The following ADAMTSL1 variants were observed in gnomAD, a reference collection of about 807,000 sequenced individuals.
ADAMTSL1 encodes the protein ADAMTS-like protein 1.
In ADAMTSL1, 126 loss-of-function variants were observed where a neutral mutation model predicts 201.8. The ratio of observed to expected loss-of-function variants is 0.62; its 90% CI spans 0.54 to 0.72. The LOEUF is 0.72. ADAMTSL1 is among the 30% of genes least tolerant of loss of function. The pLI, the probability that ADAMTSL1 is intolerant of heterozygous loss-of-function variation, is 0.00. For missense variants in ADAMTSL1, 2,679 were observed against 2,277.8 expected (o/e 1.18, Z -3.59); for synonymous variants, 1,121 against 903.4 (o/e 1.24, Z -4.32).
intron 2 of ADAMTSL1, among the ~76,000 whole-genome samples, chr9:18,323,644 C>G (rs1357043982): frequency 6.6e-6 from 1 of 152,090 alleles, no homozygotes; most frequent in African/African-American, 2.4e-5. Context: ...GTAGCAAGAT[C>G]ATAGGAAACA....
chr9:18,217,127 G>T (rs1053257413), intron 2 of ADAMTSL1, among the ~76,000 whole-genome samples: 3 of 152,176 alleles, frequency 2.0e-5, no homozygotes, highest in Non-Finnish European at 2.9e-5. Context: ...AGAGGGGTCA[G>T]TTACTTTATC....
chr9:18,775,874 C>G lies in ADAMTSL1; in HGVS notation c.2529C>G (p.Pro843=). The G allele has an allele frequency of 1.3e-6, 2 of 1,599,206 alleles. No individual in the cohort carries two copies. Among genetic ancestry groups the G allele is most frequent in the Non-Finnish European group, 1.7e-6 (2 of 1,172,428 alleles). The change falls in exon 18 of 29, where the codon CCC becomes CCG. Residue 843 remains proline, a synonymous_variant. Coordinates refer to ENST00000380548, the MANE Select transcript of ADAMTSL1 (RefSeq NM_001040272.6). ...PPLPFSSSIR[P]CMLATCARPG... is the part of the protein sequence containing the mutation. ...TGCCTTTCTCTTCCTCCATCAGGCC[C>G]TGTATGCTGGCAACCTGTGCAAGTA... is the stretch of plus-strand genomic sequence containing the variant.
intron 2 of ADAMTSL1, among the ~76,000 whole-genome samples, chr9:18,251,030 C>T (rs1298320667): frequency 6.6e-6 from 1 of 151,624 alleles, no homozygotes; most frequent in Non-Finnish European, 1.5e-5. Context: ...AGAATGTTAA[C>T]AAAAAACAGA....
chr9:18,835,433 A>T (rs1563841844), intron 23 of ADAMTSL1, among the ~76,000 whole-genome samples: 2 of 152,110 alleles, frequency 1.3e-5, no homozygotes, highest in African/African-American at 4.8e-5. Flanking sequence ...TCATTCTCTT[A>T]ACAGTGTCTT....
chr9:18,688,689 A>AAAAAAAAAAAAG (rs1554730404), intron 13 of ADAMTSL1, among the ~76,000 whole-genome samples: 1 of 8,652 alleles, frequency 1.2e-4, no homozygotes, highest in African/African-American at 3.7e-4. Flanking sequence ...AAAAAAAAAA[A>AAAAAAAAAAAAG]ATATATATAT....
intron 2 of ADAMTSL1, among the ~76,000 whole-genome samples, chr9:18,407,977 T>A (rs556437299): frequency 6.6e-5 from 10 of 152,382 alleles, no homozygotes; most frequent in East Asian, 3.9e-4. Flanking sequence ...AACATTTTTT[T>A]AAAATTTACA....
chr9:18,146,236 A>G (rs1472820237), intron 1 of ADAMTSL1, among the ~76,000 whole-genome samples: 1 of 152,148 alleles, frequency 6.6e-6, no homozygotes, highest in Admixed American at 6.6e-5. Context: ...TCCAGCAATC[A>G]CATTTTTAGG....
intron 2 of ADAMTSL1, among the ~76,000 whole-genome samples, chr9:18,515,087 A>G (rs1019157534): frequency 2.6e-5 from 4 of 152,152 alleles, no homozygotes; most frequent in Non-Finnish European, 5.9e-5. Flanking sequence ...GTTACACTTT[A>G]GAATCACCTG....
rs536213717 is a variant in ADAMTSL1, at chr9:18,532,889, A to T, written c.192-358A>T. ...TTTATTTTCAAGATCTAAGTTTTTC[A>T]GTGAAATATATCTTCAATTTTATAT... is the stretch of plus-strand genomic sequence containing the variant. On this transcript the variant is annotated intron_variant, in intron 2 of 28. Coordinates refer to ENST00000380548, the MANE Select transcript of ADAMTSL1 (RefSeq NM_001040272.6). Among the ~76,000 whole-genome samples the T allele has an allele frequency of 7.9e-5, 12 of 152,042 alleles. No homozygotes were observed. In the South Asian group the frequency reaches 2.5e-3, roughly 32 times the overall value.
At position 18,649,216 on chromosome 9, in the gene ADAMTSL1, C is replaced by T. The variant is rs375676007; in HGVS notation, c.835-8423C>T. Among the ~76,000 whole-genome samples, 122 of 152,328 alleles carry T rather than the reference C, an allele frequency of 8.0e-4. No individual in the cohort carries two copies. The South Asian group carries it at 1.0e-2, about 12-fold the overall frequency. ...GCTTCTGCATTCTCCACGTAGTTCTCGCGCCTTGGCTTTCAGCTCCATCAG... is the reference window on the plus strand; with the variant it reads ...GCTTCTGCATTCTCCACGTAGTTCTTGCGCCTTGGCTTTCAGCTCCATCAG... On this transcript the variant is annotated intron_variant, in intron 7 of 28. Coordinates refer to ENST00000380548, the MANE Select transcript of ADAMTSL1 (RefSeq NM_001040272.6).
intron 1 of ADAMTSL1, among the ~76,000 whole-genome samples, chr9:18,087,524 G>T (rs1480172492): frequency 5.3e-5 from 8 of 151,958 alleles, no homozygotes; most frequent in African/African-American, 1.9e-4. Context: ...TTCATAAAAT[G>T]TACTTTCTTA....
At chr9:18,335,636 C>T (rs542950881) in intron 2 of ADAMTSL1, among the ~76,000 whole-genome samples, 2 of 152,186 alleles carry the variant, frequency 1.3e-5, no homozygotes, top group East Asian at 3.9e-4. Flanking sequence ...ATTAAATAAC[C>T]TCATAGCTTT....
At position 17,925,802 on chromosome 9, in the gene ADAMTSL1, G is replaced by A. The variant is rs149733603; in HGVS notation, c.87+18880G>A. Among the ~76,000 whole-genome samples the A allele has an allele frequency of 2.1e-3, 310 of 149,720 alleles. 1 individual carries two copies. Among genetic ancestry groups the A allele is most frequent in the African/African-American group, 7.1e-3 (288 of 40,780 alleles). On this transcript the variant is annotated intron_variant, in intron 1 of 29. Coordinates refer to the ADAMTSL1 transcript ENST00000680146. ...GCGCACCAGCATGGCGCATGTATAC[G>A]TATGTAACTAACCTGCACAATGTGC... is the stretch of plus-strand genomic sequence containing the variant.
intron 21 of ADAMTSL1, among the ~76,000 whole-genome samples, chr9:18,821,393 C>G (rs774789078): frequency 6.6e-6 from 1 of 152,122 alleles, no homozygotes; most frequent in Non-Finnish European, 1.5e-5. Context: ...GGGGTTACCT[C>G]TATCCTATCA....
chr9:18,246,299 C>T (rs1036580154), intron 2 of ADAMTSL1, among the ~76,000 whole-genome samples: 1 of 151,948 alleles, frequency 6.6e-6, no homozygotes, highest in Non-Finnish European at 1.5e-5. Flanking sequence ...TCTCTGTGAA[C>T]CACAATAAAT....
intron 23 of ADAMTSL1, among the ~76,000 whole-genome samples, chr9:18,873,685 G>T (rs1027928790): frequency 6.6e-6 from 1 of 152,106 alleles, no homozygotes; most frequent in Non-Finnish European, 1.5e-5. Context: ...CCAGTACAAT[G>T]CTGTTTTGGT....
At chr9:18,804,887 T>C (rs10963770) in intron 20 of ADAMTSL1, among the ~76,000 whole-genome samples, 12,922 of 152,282 alleles carry the variant, frequency 0.085, 752 homozygotes, top group East Asian at 0.23. Flanking sequence ...ATTGATTAAA[T>C]CTGGATTAAA....
At chr9:18,481,785 C>T (rs1821740681) in intron 1 of ADAMTSL1, among the ~76,000 whole-genome samples, 1 of 152,102 alleles carries the variant, frequency 6.6e-6, no homozygotes, top group Non-Finnish European at 1.5e-5. Flanking sequence ...ATTTGTGCAA[C>T]AGAACACACT....
chr9:18,730,873 A>G (rs1327526239), intron 15 of ADAMTSL1, among the ~76,000 whole-genome samples: 2 of 152,208 alleles, frequency 1.3e-5, no homozygotes, highest in African/African-American at 4.8e-5. Context: ...ATAGACACAG[A>G]CACCTTTTCG....
Sources: gnomAD v4.1 joint callset for allele counts (sites outside exome capture counted in the v4.1 genomes callset) on GRCh38, gnomAD v4.1.1 for gene constraint, MANE v1.5 for transcripts, NCBI Gene and HGNC (gene_info 2026-07-23, HGNC 2026-07-21) for gene names.